The following VAV2 variants were observed in gnomAD, a reference collection of about 807,000 sequenced individuals.
VAV2 encodes guanine nucleotide exchange factor VAV2.
VAV2 carries 67 observed loss-of-function variants against 132.5 expected under a neutral mutation model. That is an observed-to-expected ratio of 0.51 (90% CI 0.42 to 0.62). The LOEUF (loss-of-function observed/expected upper bound fraction) is 0.62, where lower values mean the gene tolerates loss of function less well. Ranked by LOEUF, VAV2 falls within the 20% of genes least tolerant of loss-of-function variation. VAV2 has a pLI of 0.00. For missense variants in VAV2, 938 were observed against 1,153.6 expected (o/e 0.81, Z 2.71); for synonymous variants, 492 against 443.5 (o/e 1.11, Z -1.37).
At chr9:133,767,797 G>A (rs1833485419) in intron 29 of VAV2, among the ~76,000 whole-genome samples, 1 of 152,206 alleles carries the variant, frequency 6.6e-6, no homozygotes, top group Non-Finnish European at 1.5e-5. Flanking sequence ...AGAAAGCTGG[G>A]CATTTTCTAA....
intron 4 of VAV2, among the ~76,000 whole-genome samples, chr9:133,816,854 T>C (rs73553967): frequency 0.023 from 3,524 of 152,360 alleles, 51 homozygotes; most frequent in East Asian, 0.056. Flanking sequence ...ATCCATCTAT[T>C]TGTCTATCTT....
intron 1 of VAV2, among the ~76,000 whole-genome samples, chr9:133,983,509 C>T (rs572250160): frequency 6.6e-6 from 1 of 152,328 alleles, no homozygotes; most frequent in Non-Finnish European, 1.5e-5. Flanking sequence ...CGACCCATCT[C>T]CAAGTCCCAA....
At chr9:133,795,571 A>G (rs1834675901) in intron 12 of VAV2, 97 bp downstream of exon 12, 1 of 1,453,754 alleles carries the variant, frequency 6.9e-7, no homozygotes. Context: ...AACTGTCCAC[A>G]GTCAAAACTG....
At position 133,992,003 on chromosome 9, in the gene VAV2, C is replaced by G; in HGVS notation, c.204+72G>C. ...GCCTGGGCCGCCGCCGCTGCGACCTCCGCGTTCAGTCCGCGCGTCGGGCAG... is the reference window on the plus strand; with the variant it reads ...GCCTGGGCCGCCGCCGCTGCGACCTGCGCGTTCAGTCCGCGCGTCGGGCAG... On this transcript the variant is annotated intron_variant, in intron 1 of 29. Transcript: ENST00000371850. This position sits in a 1 kb window ranked among gnomAD's most constrained non-coding sequence, Gnocchi z 5.5. 1 of 1,293,286 alleles carries G rather than the reference C, an allele frequency of 7.7e-7. No homozygotes were observed. The highest frequency in any genetic ancestry group is 3.5e-5 in the East Asian group (1 of 28,784). 80.1% of individuals were successfully genotyped at this position (1,293,286 alleles called of 1,614,324 possible). A position where few individuals can be genotyped will look rare whatever the true frequency, so the allele number is the denominator to read the frequency against.
chr9:133,776,363 G>T (rs898866917), intron 23 of VAV2, among the ~76,000 whole-genome samples: 2 of 147,704 alleles, frequency 1.4e-5, no homozygotes, highest in African/African-American at 5.1e-5. Flanking sequence ...GACCGAAGGT[G>T]CGGGAAGTTT....
At chr9:133,855,086 G>A (rs2131849609) in intron 3 of VAV2, among the ~76,000 whole-genome samples, 1 of 152,334 alleles carries the variant, frequency 6.6e-6, no homozygotes, top group Non-Finnish European at 1.5e-5. Flanking sequence ...ATGGAAGAGA[G>A]TGGAGAGAGC....
In VAV2 at chr9:133,802,527, G is replaced by A. The variant is rs560676526; in HGVS notation, c.836+3554C>T. ...TCAGTGTGGTCACCTTGCAAGGCAC[G>A]GCCCGCCGTGTCCAGCATCCTGCCC... On this transcript the variant is annotated intron_variant, in intron 9 of 29. Coordinates refer to ENST00000371850, the MANE Select transcript of VAV2 (RefSeq NM_001134398.2). The surrounding 1 kb of genome is among the most constrained non-coding windows in gnomAD (Gnocchi z 5.8). 2.6e-5 allele frequency among the ~76,000 whole-genome samples: 4 copies of A among 152,170 alleles called. No individual in the cohort carries two copies. Among genetic ancestry groups the A allele is most frequent in the South Asian group, 2.1e-4 (1 of 4,816 alleles).
At chr9:133,789,001 T>C (rs1188950189) in intron 14 of VAV2, among the ~76,000 whole-genome samples, 1 of 152,204 alleles carries the variant, frequency 6.6e-6, no homozygotes, top group Non-Finnish European at 1.5e-5. Context: ...GCATTGGCAG[T>C]GAGGGGCCTG....
chr9:133,866,494 G>T (rs1026102205), intron 2 of VAV2, among the ~76,000 whole-genome samples: 2 of 152,134 alleles, frequency 1.3e-5, no homozygotes, highest in South Asian at 4.1e-4. Flanking sequence ...GGGGGCAACT[G>T]CGCTGCGATG....
At chr9:133,871,444 G>C (rs997369138) in intron 2 of VAV2, among the ~76,000 whole-genome samples, 1 of 145,106 alleles carries the variant, frequency 6.9e-6, no homozygotes, top group Non-Finnish European at 1.5e-5. Flanking sequence ...ATTGATTGAT[G>C]GATGGATGGA....
chr9:133,985,768 T>C (rs894394003), intron 1 of VAV2, among the ~76,000 whole-genome samples: 2 of 152,130 alleles, frequency 1.3e-5, no homozygotes, highest in African/African-American at 4.8e-5. Flanking sequence ...CGAAGAATGA[T>C]GAGGACGAAT....
At chr9:133,766,759 A>AATATATATATATAT (rs373267933) in intron 29 of VAV2, among the ~76,000 whole-genome samples, 2,015 of 111,706 alleles carry the variant, frequency 0.018, 43 homozygotes, top group African/African-American at 0.029. Context: ...AGTATAAATA[A>AATATATATATATAT]ATATATATAT....
chr9:133,882,628 T>C (rs1564432919), intron 2 of VAV2, among the ~76,000 whole-genome samples: 1 of 151,946 alleles, frequency 6.6e-6, no homozygotes, highest in Admixed American at 6.6e-5. Context: ...CGACAACACC[T>C]TGAGTTTGGA....
intron 2 of VAV2, among the ~76,000 whole-genome samples, chr9:133,905,432 T>G (rs1367498283): frequency 4.1e-5 from 1 of 24,260 alleles, no homozygotes; most frequent in Admixed American, 4.1e-4. Context: ...TGAAACTGTC[T>G]CAAAAAAAAA....
intron 2 of VAV2, among the ~76,000 whole-genome samples, chr9:133,922,296 G>C (rs1840325489): frequency 6.6e-6 from 1 of 152,254 alleles, no homozygotes; most frequent in African/African-American, 2.4e-5. Context: ...CACATACCCA[G>C]GAAGGGGCTT....
At chr9:133,952,605 G>GC (rs1841598341) in intron 1 of VAV2, among the ~76,000 whole-genome samples, 1 of 123,648 alleles carries the variant, frequency 8.1e-6, no homozygotes, top group Admixed American at 8.0e-5. Flanking sequence ...TCTGTCTCGG[G>GC]GAAAAAAAAA....
In VAV2 at chr9:133,889,381, C is replaced by T. The variant is rs140194124; in HGVS notation, c.322-27949G>A. On this transcript the variant is annotated intron_variant, in intron 2 of 29. Transcript: ENST00000371850. ...TGCTGGCTTTCTAGACTGGCCTGAC[C>T]CCTCCTAAGAGCCTAGGAGTCAAAG... Among the ~76,000 whole-genome samples the T allele has an allele frequency of 4.2e-3, 636 of 152,248 alleles. 9 individuals are homozygous for T. Among genetic ancestry groups the T allele is most frequent in the African/African-American group, 0.014 (601 of 41,538 alleles).
At chr9:133,927,269 A>C (rs1436699634) in intron 2 of VAV2, among the ~76,000 whole-genome samples, 1 of 152,160 alleles carries the variant, frequency 6.6e-6, no homozygotes, top group Non-Finnish European at 1.5e-5. Flanking sequence ...AGACAACGCT[A>C]ATCAATGGCT....
At chr9:133,770,300 A>C in intron 27 of VAV2, 78 bp downstream of exon 27, 2 of 1,594,598 alleles carry the variant, frequency 1.3e-6, no homozygotes, top group Non-Finnish European at 1.7e-6. Context: ...CTGTGAGGGC[A>C]GGATCTGAGC....
Sources: gnomAD v4.1 joint callset for allele counts (sites outside exome capture counted in the v4.1 genomes callset) on GRCh38, gnomAD v4.1.1 for gene constraint, Gnocchi (gnomAD v3.1) non-coding constraint, MANE v1.5 for transcripts, NCBI Gene and HGNC (gene_info 2026-07-23, HGNC 2026-07-21) for gene names.